The following KAZN variants were observed in gnomAD, a reference collection of about 807,000 sequenced individuals.
KAZN encodes the protein kazrin.
A neutral mutation model predicts 87.4 loss-of-function variants in KAZN; 40 were observed. The ratio of observed to expected loss-of-function variants is 0.46; its 90% CI spans 0.36 to 0.60. The LOEUF is 0.60. Ranked by LOEUF, KAZN falls within the 20% of genes least tolerant of loss-of-function variation. The pLI, the probability that KAZN is intolerant of heterozygous loss-of-function variation, is 0.00. For missense variants in KAZN, 898 were observed against 1,073.9 expected (o/e 0.84, Z 2.29); for synonymous variants, 466 against 458.3 (o/e 1.02, Z -0.22).
At chr1:13,991,882 G>A (rs1017933023) in intron 1 of KAZN, among the ~76,000 whole-genome samples, 4 of 152,136 alleles carry the variant, frequency 2.6e-5, no homozygotes, top group South Asian at 4.2e-4. Flanking sequence ...AGATACAGAC[G>A]CAGTGTACCT....
At chr1:14,750,599 T>TAAAA (rs60001331) in intron 1 of KAZN, among the ~76,000 whole-genome samples, 1 of 144,340 alleles carries the variant, frequency 6.9e-6, no homozygotes, top group South Asian at 2.2e-4. Flanking sequence ...GTTTCTTTTC[T>TAAAA]AAAAAAAAAA....
chr1:14,841,823 G>T (rs1648054918), intron 1 of KAZN, among the ~76,000 whole-genome samples: 2 of 152,160 alleles, frequency 1.3e-5, no homozygotes, highest in Admixed American at 1.3e-4. Flanking sequence ...GATCGGACCT[G>T]CCTGATTATC....
chr1:14,461,048 T>C (rs1667824943), intron 2 of KAZN, among the ~76,000 whole-genome samples: 1 of 152,200 alleles, frequency 6.6e-6, no homozygotes, highest in Non-Finnish European at 1.5e-5. Flanking sequence ...TTTTTATCTG[T>C]CGCTATGGTG....
intron 1 of KAZN, among the ~76,000 whole-genome samples, chr1:14,844,532 C>T (rs189205520): frequency 3.3e-5 from 5 of 152,190 alleles, no homozygotes; most frequent in South Asian, 2.1e-4. Flanking sequence ...GCTGAACATG[C>T]GCTAGAAGTA....
At chr1:14,496,637 G>A (rs956001975) in intron 2 of KAZN, among the ~76,000 whole-genome samples, 4 of 152,084 alleles carry the variant, frequency 2.6e-5, no homozygotes, top group Non-Finnish European at 4.4e-5. Flanking sequence ...GAAAATAGAA[G>A]CCTAATTTTT....
intron 2 of KAZN, among the ~76,000 whole-genome samples, chr1:14,447,581 G>A (rs1389045835): frequency 6.6e-6 from 1 of 151,948 alleles, no homozygotes; most frequent in Non-Finnish European, 1.5e-5. Context: ...AATTACCTGG[G>A]CAATGTCCAT....
Position 14,921,153 on chromosome 1 carries a change from AACACACACAC to A in KAZN, c.227-39505_227-39496del, listed in dbSNP as rs55766387. Among the ~76,000 whole-genome samples, 133 of 144,508 alleles carry A rather than the reference AACACACACAC, an allele frequency of 9.2e-4. 2 individuals carry two copies. In the South Asian group the frequency reaches 0.025, roughly 27 times the overall value. The allele number at this position is 144,508 out of a possible 152,430, so 94.8% of individuals were successfully genotyped here. On this transcript the variant is annotated intron_variant, in intron 1 of 14. Transcript: ENST00000376030. ...TCTGCAGTCCTGGGCCTGAGCATGC[AACACACACAC>A]ACACACACACACACACACACACACA...
intron 2 of KAZN, among the ~76,000 whole-genome samples, chr1:14,591,397 G>T (rs1312712720): frequency 6.7e-6 from 1 of 148,490 alleles, no homozygotes; most frequent in Non-Finnish European, 1.5e-5. Flanking sequence ...CTCTTGTAAG[G>T]CCCCGAACAG....
At chr1:14,372,083 G>A (rs1660532184) in intron 2 of KAZN, among the ~76,000 whole-genome samples, 1 of 152,276 alleles carries the variant, frequency 6.6e-6, no homozygotes, top group Non-Finnish European at 1.5e-5. Flanking sequence ...TGAACAGACT[G>A]AAAACAAGTT....
intron 1 of KAZN, among the ~76,000 whole-genome samples, chr1:14,904,262 G>A (rs755577181): frequency 3.2e-4 from 46 of 144,464 alleles, no homozygotes; most frequent in Non-Finnish European, 4.0e-4. Flanking sequence ...CCGAGATAGC[G>A]CCACTGCAGT....
At chr1:13,895,115 T>A (rs969516225) in intron 1 of KAZN, among the ~76,000 whole-genome samples, 2 of 152,212 alleles carry the variant, frequency 1.3e-5, no homozygotes, top group African/African-American at 4.8e-5. Context: ...AGTCAAGGCA[T>A]CTCTGTTTGC....
intron 1 of KAZN, among the ~76,000 whole-genome samples, chr1:14,679,646 G>A (rs971186804): frequency 6.6e-6 from 1 of 152,128 alleles, no homozygotes; most frequent in African/African-American, 2.4e-5. Flanking sequence ...GGTGCCTTAC[G>A]TGTTTGTATT....
intron 1 of KAZN, among the ~76,000 whole-genome samples, chr1:14,906,184 A>C (rs1309570932): frequency 2.7e-4 from 4 of 14,710 alleles, no homozygotes; most frequent in African/African-American, 4.5e-4. Context: ...TATTATAATA[A>C]TAATAATAAT....
intron 1 of KAZN, among the ~76,000 whole-genome samples, chr1:14,113,520 C>T (rs1644544218): frequency 6.6e-6 from 1 of 152,156 alleles, no homozygotes; most frequent in South Asian, 2.1e-4. Flanking sequence ...ACGTCCTTCC[C>T]ACGTACTTGG....
chr1:14,006,933 T>C (rs1640063619), intron 1 of KAZN, among the ~76,000 whole-genome samples: 1 of 152,218 alleles, frequency 6.6e-6, no homozygotes, highest in Admixed American at 6.5e-5. Flanking sequence ...TTAAGGACAT[T>C]TTAACAAAAT....
chr1:14,437,570 T>G (rs1204131990), intron 2 of KAZN, among the ~76,000 whole-genome samples: 1 of 152,220 alleles, frequency 6.6e-6, no homozygotes, highest in Admixed American at 6.5e-5. Context: ...CAATTTGCTG[T>G]ACTTTTATTA....
rs188788324 is a variant in KAZN, at chr1:14,074,452, A to T, written c.92-105983A>T. Among the ~76,000 whole-genome samples, 65 of 152,322 alleles carry T rather than the reference A, an allele frequency of 4.3e-4. No individual in the cohort carries two copies. In the East Asian group the frequency reaches 0.012, roughly 28 times the overall value. ...AGCTGAGGGGTGGACACACATCAGC[A>T]ATGGGACCCTCTCCTGGGGATGGAC... On this transcript the variant is annotated intron_variant, in intron 1 of 16. Coordinates refer to the KAZN transcript ENST00000636203.
At chr1:14,341,184 G>A (rs1355890101) in intron 2 of KAZN, among the ~76,000 whole-genome samples, 6 of 151,938 alleles carry the variant, frequency 3.9e-5, no homozygotes, top group African/African-American at 9.7e-5. Context: ...ATGAGCCACC[G>A]TGCCCAGCTG....
chr1:14,096,514 C>T (rs4661471), intron 1 of KAZN, among the ~76,000 whole-genome samples: 9,773 of 152,208 alleles, frequency 0.064, 1,021 homozygotes, highest in East Asian at 0.54. Flanking sequence ...GAGGCATGAT[C>T]GACAATGATA....
Sources: gnomAD v4.1 joint callset for allele counts (sites outside exome capture counted in the v4.1 genomes callset) on GRCh38, gnomAD v4.1.1 for gene constraint, MANE v1.5 for transcripts, NCBI Gene and HGNC (gene_info 2026-07-23, HGNC 2026-07-21) for gene names.